THNSL1: variants seen among roughly 807,000 people sequenced by gnomAD.
THNSL1 encodes threonine synthase-like 1.
In THNSL1, 48 loss-of-function variants were observed where a neutral mutation model predicts 50.4. The ratio of observed to expected loss-of-function variants is 0.95; its 90% CI spans 0.76 to 1.21. THNSL1 has a LOEUF of 1.21. Among genes scored for constraint, THNSL1 ranks in the 50% most tolerant of loss-of-function variants. The pLI, the probability that THNSL1 is intolerant of heterozygous loss-of-function variation, is 0.00. For synonymous variants in THNSL1, 309 were observed against 306.1 expected (o/e 1.01, Z -0.10); for missense variants, 896 against 871.7 (o/e 1.03, Z -0.35).
At chr10:24,989,210 C>T in the THNSL1 span, among the ~76,000 whole-genome samples, 4 of 152,294 alleles carry the variant, frequency 2.6e-5, no homozygotes, top group African/African-American at 9.6e-5. Flanking sequence ...GGGCCACAGA[C>T]GAGAACTCTC....
At chr10:24,995,020 C>A in the THNSL1 span, among the ~76,000 whole-genome samples, 1 of 151,656 alleles carries the variant, frequency 6.6e-6, no homozygotes, top group Non-Finnish European at 1.5e-5. Flanking sequence ...GAATATGTCT[C>A]AAAAAAAATC....
At chr10:25,018,652 G>A (rs1322576118) in intron 1 of THNSL1, among the ~76,000 whole-genome samples, 1 of 137,156 alleles carries the variant, frequency 7.3e-6, no homozygotes, top group Non-Finnish European at 1.6e-5. Flanking sequence ...ATAAACAAAT[G>A]AGAGTTGTTT....
chr10:24,987,766 T>C, the THNSL1 span, among the ~76,000 whole-genome samples: 8 of 152,114 alleles, frequency 5.3e-5, no homozygotes, highest in African/African-American at 1.4e-4. Context: ...TTAGTCCCTA[T>C]TGATGTACTT....
the THNSL1 span, among the ~76,000 whole-genome samples, chr10:24,977,009 C>A: frequency 6.6e-6 from 1 of 152,172 alleles, no homozygotes; most frequent in African/African-American, 2.4e-5. Context: ...AGCCCCTCTT[C>A]CATCCAGAAT....
chr10:25,015,761 A>G (rs1295063127), upstream of THNSL1: 8 of 1,133,058 alleles, frequency 7.1e-6, no homozygotes, highest in Non-Finnish European at 9.4e-6. Context: ...GCAAAAATAC[A>G]TTTTATTTAT....
Position 25,026,264 on chromosome 10 carries a change from C to G in THNSL1, c.*809C>G, listed in dbSNP as rs542864479. The G allele has an allele frequency of 6.0e-6, 1 of 166,986 alleles. No individual in the cohort carries two copies. The highest frequency in any genetic ancestry group is 2.1e-4 in the South Asian group (1 of 4,828). The allele number at this position is 166,986 out of a possible 1,614,324, so 10.3% of individuals were successfully genotyped here. ...ACACTGTCCAAATTAAAGATGTACT[C>G]TGTCCTTCACTCTCCTTTGGATGTG... On this transcript the variant is annotated 3_prime_UTR_variant, in exon 3 of 3. Transcript: ENST00000376356.
At chr10:24,987,477 T>C in the THNSL1 span, among the ~76,000 whole-genome samples, 3 of 150,752 alleles carry the variant, frequency 2.0e-5, no homozygotes, top group African/African-American at 4.9e-5. Context: ...TCTCTAAAAA[T>C]AAAAAAATGA....
At chr10:25,000,909 G>T in the THNSL1 span, among the ~76,000 whole-genome samples, 3 of 152,000 alleles carry the variant, frequency 2.0e-5, no homozygotes, top group South Asian at 2.1e-4. Flanking sequence ...ACAGTATACA[G>T]GTTTAACTTA....
the THNSL1 span, among the ~76,000 whole-genome samples, chr10:24,959,350 C>T: frequency 1.3e-5 from 2 of 152,064 alleles, no homozygotes. Context: ...CCAGTGATTG[C>T]CAGGTTATGG....
the THNSL1 span, among the ~76,000 whole-genome samples, chr10:24,956,911 C>T: frequency 1.3e-5 from 2 of 152,114 alleles, no homozygotes; most frequent in African/African-American, 2.4e-5. Flanking sequence ...CTATGGTGAA[C>T]CGCACATGGG....
At chr10:25,015,992 A>C, upstream of THNSL1, 1 of 1,573,678 alleles carries the variant, frequency 6.4e-7, no homozygotes, top group Non-Finnish European at 8.6e-7. Context: ...TCCCTGTCCC[A>C]GTATCTCCGT....
At chr10:25,011,811 C>T (rs1850451782), upstream of THNSL1, among the ~76,000 whole-genome samples, 1 of 152,144 alleles carries the variant, frequency 6.6e-6, no homozygotes, top group Admixed American at 6.5e-5. Context: ...AAAAGAAAAA[C>T]CAATTTTCTG....
the THNSL1 span, among the ~76,000 whole-genome samples, chr10:24,978,001 C>T: frequency 1.3e-5 from 2 of 152,136 alleles, no homozygotes; most frequent in Non-Finnish European, 2.9e-5. Flanking sequence ...AAAAAATATA[C>T]TACCCATCTA....
the THNSL1 span, among the ~76,000 whole-genome samples, chr10:24,980,805 C>T: frequency 6.6e-6 from 1 of 152,170 alleles, no homozygotes; most frequent in African/African-American, 2.4e-5. Context: ...CAACCTTTGC[C>T]TCCCAAGTTC....
chr10:24,978,389 T>A, the THNSL1 span, among the ~76,000 whole-genome samples: 1 of 152,082 alleles, frequency 6.6e-6, no homozygotes, highest in Non-Finnish European at 1.5e-5. Flanking sequence ...CCTTTTTTTT[T>A]ACTTTTCTTC....
At chr10:24,990,179 G>A in the THNSL1 span, among the ~76,000 whole-genome samples, 1 of 152,126 alleles carries the variant, frequency 6.6e-6, no homozygotes, top group East Asian at 1.9e-4. Context: ...TTCATTTCAT[G>A]CATGTTCGTT....
At chr10:24,956,762 G>A in the THNSL1 span, among the ~76,000 whole-genome samples, 26 of 151,948 alleles carry the variant, frequency 1.7e-4, no homozygotes, top group Non-Finnish European at 3.4e-4. Flanking sequence ...CCCAACTACC[G>A]GGCTGCAAAC....
the THNSL1 span, chr10:24,952,698 G>C: frequency 1.1e-6 from 1 of 886,628 alleles, no homozygotes; most frequent in Non-Finnish European, 1.7e-6. The surrounding 1 kb of genome is among the most constrained non-coding windows in gnomAD (Gnocchi z 5.1). Flanking sequence ...GGACGGGGAC[G>C]GGTCCGCCCC....
At chr10:24,982,501 G>C in the THNSL1 span, 1 of 152,338 alleles carries the variant, frequency 6.6e-6, no homozygotes, top group Admixed American at 6.5e-5. Flanking sequence ...GCTGCATAAT[G>C]AAGTTTGACT....
Sources: allele counts gnomAD v4.1 joint callset (sites outside exome capture counted in the v4.1 genomes callset), GRCh38; gene constraint gnomAD v4.1.1; non-coding constraint Gnocchi (gnomAD v3.1); transcripts MANE v1.5; gene names NCBI Gene and HGNC (gene_info 2026-07-23, HGNC 2026-07-21).